The following PIEZO2 variants were observed in gnomAD, a reference collection of about 807,000 sequenced individuals.
The protein encoded by PIEZO2 is piezo type mechanosensitive ion channel component 2.
In PIEZO2, 172 loss-of-function variants were observed where a neutral mutation model predicts 337.3. The ratio of observed to expected loss-of-function variants is 0.51; its 90% CI spans 0.45 to 0.58. The LOEUF is 0.58. PIEZO2 is among the 20% of genes least tolerant of loss of function. PIEZO2 has a pLI of 0.00. For synonymous variants in PIEZO2, 1,251 were observed against 1,228.5 expected (o/e 1.02, Z -0.38); for missense variants, 3,028 against 3,391.3 (o/e 0.89, Z 2.66).
chr18:10,971,462 A>G (rs2034234422), intron 3 of PIEZO2, among the ~76,000 whole-genome samples: 1 of 152,180 alleles, frequency 6.6e-6, no homozygotes, highest in Non-Finnish European at 1.5e-5. Flanking sequence ...AGTTGACACA[A>G]GGCTGTGACA....
intron 4 of PIEZO2, among the ~76,000 whole-genome samples, chr18:10,898,831 G>A (rs954577891): frequency 1.3e-5 from 2 of 152,086 alleles, no homozygotes; most frequent in Admixed American, 6.6e-5. Context: ...GCAAATCAGC[G>A]TGGTATAGGA....
rs764644225 is a variant in PIEZO2, at chr18:10,943,318, C to T, written c.287-32090G>A. ...GACACTCAACTCCAACCAGTGAAAGCAGCCAAGAGGGAGGCTGTACCCTGC... is the reference window on the plus strand; with the variant it reads ...GACACTCAACTCCAACCAGTGAAAGTAGCCAAGAGGGAGGCTGTACCCTGC... On this transcript the variant is annotated intron_variant, in intron 3 of 55. Transcript: ENST00000674853. This position sits in a 1 kb window ranked among gnomAD's most constrained non-coding sequence, Gnocchi z 4.5. 6.6e-6 allele frequency among the ~76,000 whole-genome samples: 1 copy of T among 152,218 alleles called. No homozygotes were observed. The highest frequency in any genetic ancestry group is 2.4e-5 in the African/African-American group (1 of 41,460).
intron 4 of PIEZO2, among the ~76,000 whole-genome samples, chr18:10,897,798 A>G (rs2082993632): frequency 6.6e-6 from 1 of 152,244 alleles, no homozygotes; most frequent in Non-Finnish European, 1.5e-5. Context: ...TATTTAATAT[A>G]TCCCTTCTGA....
At chr18:10,745,945 T>A (rs529184020) in intron 30 of PIEZO2, among the ~76,000 whole-genome samples, 4 of 152,322 alleles carry the variant, frequency 2.6e-5, no homozygotes, top group African/African-American at 7.2e-5. Context: ...CACCACCGTT[T>A]GGCTAAGCCA....
At chr18:10,725,319 G>A in intron 36 of PIEZO2, 2 of 1,594,234 alleles carry the variant, frequency 1.3e-6, no homozygotes, top group East Asian at 2.2e-5. Context: ...GGAGGGCTGC[G>A]TCGAAGAGGT....
chr18:10,743,156 T>C (rs558589331), intron 31 of PIEZO2, among the ~76,000 whole-genome samples: 3 of 152,314 alleles, frequency 2.0e-5, no homozygotes, highest in African/African-American at 7.2e-5. Context: ...TTGTACCATA[T>C]TGCATTTACA....
intron 36 of PIEZO2, among the ~76,000 whole-genome samples, chr18:10,730,168 G>A (rs959219958): frequency 4.6e-5 from 7 of 152,296 alleles, no homozygotes; most frequent in African/African-American, 1.7e-4. Context: ...CTTTTAGCAG[G>A]TAATGACACA....
rs1000178614 is a variant in PIEZO2 at position 10,819,160 on chromosome 18, A to G, written c.918-11886T>C. ...TTACAGTAAAGCATTGATGAAATTA[A>G]CAATAAAAAGGTATAATGATTTCTA... On this transcript the variant is annotated intron_variant, in intron 7 of 55. Transcript: ENST00000674853. This position sits in a 1 kb window ranked among gnomAD's most constrained non-coding sequence, Gnocchi z 4.3. 6.6e-6 allele frequency among the ~76,000 whole-genome samples: 1 copy of G among 152,230 alleles called. No individual in the cohort carries two copies. Among genetic ancestry groups the G allele is most frequent in the African/African-American group, 2.4e-5 (1 of 41,472 alleles).
At chr18:10,931,717 AGAG>A (rs1357226583) in intron 3 of PIEZO2, among the ~76,000 whole-genome samples, 1 of 147,216 alleles carries the variant, frequency 6.8e-6, no homozygotes, top group South Asian at 2.2e-4. Context: ...TGTGTGTGAG[AGAG>A]AGAGAGAGAG....
rs1279239057 is a variant in PIEZO2 at position 10,781,961 on chromosome 18, T to C, written c.2493-1595A>G. ...CTCTCAAAATATTCCTTTTTCTTCATCATTTTGATTTTAATGTAGCCATTG... is the reference window on the plus strand; with the variant it reads ...CTCTCAAAATATTCCTTTTTCTTCACCATTTTGATTTTAATGTAGCCATTG... On this transcript the variant is annotated intron_variant, in intron 17 of 55. Coordinates refer to ENST00000674853, the MANE Select transcript of PIEZO2 (RefSeq NM_001378183.1). This position sits in a 1 kb window ranked among gnomAD's most constrained non-coding sequence, Gnocchi z 4.1. 6.6e-6 allele frequency among the ~76,000 whole-genome samples: 1 copy of C among 151,794 alleles called. No homozygotes were observed. Among genetic ancestry groups the C allele is most frequent in the Admixed American group, 6.6e-5 (1 of 15,200 alleles).
rs977425792 is a variant in PIEZO2, at chr18:11,109,916, G to A, written c.64+38609C>T. On this transcript the variant is annotated intron_variant, in intron 1 of 55. Coordinates refer to ENST00000674853, the MANE Select transcript of PIEZO2 (RefSeq NM_001378183.1). The surrounding 1 kb of genome is among the most constrained non-coding windows in gnomAD (Gnocchi z 5.1). ...TATAGTCATCTAAAGTGGAACGGAAGAATTTATTTTTTAATCAGAAGTCAG... is the reference window on the plus strand; with the variant it reads ...TATAGTCATCTAAAGTGGAACGGAAAAATTTATTTTTTAATCAGAAGTCAG... Among the ~76,000 whole-genome samples, 1 of 152,142 alleles carries A rather than the reference G, an allele frequency of 6.6e-6. No homozygotes were observed. The highest frequency in any genetic ancestry group is 2.4e-5 in the African/African-American group (1 of 41,430).
rs1231161614 is a variant in PIEZO2, at chr18:10,861,293, T to G, written c.493-4082A>C. Among the ~76,000 whole-genome samples, 5 of 152,312 alleles carry G rather than the reference T, an allele frequency of 3.3e-5. No homozygotes were observed. The South Asian group carries it at 6.2e-4, about 19-fold the overall frequency. On this transcript the variant is annotated intron_variant, in intron 5 of 55. Transcript: ENST00000674853. This position sits in a 1 kb window ranked among gnomAD's most constrained non-coding sequence, Gnocchi z 4.3. ...CTGGTTCCTGAGTCATCTTAGAAAC[T>G]GAAGACAAAATAAACTCTTTACAGT... is the stretch of plus-strand genomic sequence containing the variant.
At chr18:10,825,550 C>CT (rs57159292) in intron 7 of PIEZO2, among the ~76,000 whole-genome samples, 43,844 of 113,796 alleles carry the variant, frequency 0.39, 9,408 homozygotes, top group East Asian at 0.68. Flanking sequence ...TCCTTTCTTC[C>CT]TTTTTTTTTT....
At chr18:11,017,454 T>G (rs1467336441) in intron 2 of PIEZO2, among the ~76,000 whole-genome samples, 1 of 149,234 alleles carries the variant, frequency 6.7e-6, no homozygotes, top group Non-Finnish European at 1.5e-5. Flanking sequence ...AAAGCATGAA[T>G]GCCTTTTTTT....
At chr18:10,734,733 G>C (rs1217674399) in intron 35 of PIEZO2, among the ~76,000 whole-genome samples, 1 of 152,180 alleles carries the variant, frequency 6.6e-6, no homozygotes, top group Non-Finnish European at 1.5e-5. Context: ...GACTGCACTG[G>C]GTGGATCAGC....
rs527721841 is a variant in PIEZO2 at position 10,673,017 on chromosome 18, G to T, written c.8162-144C>A. 1.4e-4 allele frequency: 95 copies of T among 664,826 alleles called. 3 individuals carry two copies. In the South Asian group the frequency reaches 1.9e-3, roughly 13 times the overall value. 41.2% of individuals were successfully genotyped at this position (664,826 alleles called of 1,614,324 possible). On this transcript the variant is annotated intron_variant, in intron 54 of 55. Transcript: ENST00000674853. The surrounding 1 kb of genome is among the most constrained non-coding windows in gnomAD (Gnocchi z 4.8). Reference sequence around the variant, plus strand: ...AAGGATGCATGGACATACTAGAAGCGTGAATGGGCAAGGAAGAGAGGGCCC... The same window carrying T: ...AAGGATGCATGGACATACTAGAAGCTTGAATGGGCAAGGAAGAGAGGGCCC...
chr18:11,066,008 AT>A lies in PIEZO2; in HGVS notation c.160+118del, dbSNP rs201380205. 1,020 of 756,616 alleles carry A rather than the reference AT, an allele frequency of 1.3e-3. 3 individuals are homozygous for A. In the African/African-American group the frequency reaches 0.016, roughly 12 times the overall value. 46.9% of individuals were successfully genotyped at this position (756,616 alleles called of 1,614,324 possible). On this transcript the variant is annotated intron_variant, in intron 2 of 55. Coordinates refer to ENST00000674853, the MANE Select transcript of PIEZO2 (RefSeq NM_001378183.1). The stretch of plus-strand genomic sequence containing the variant: ...AAATGTTTGACACCCACTCCATGCC[AT>A]ATTAGCCCTGCTGCATAGATAACAT...
chr18:10,733,684 G>A (rs1033049219), intron 35 of PIEZO2, among the ~76,000 whole-genome samples: 6 of 152,094 alleles, frequency 3.9e-5, no homozygotes, highest in South Asian at 2.1e-4. Context: ...TCCTGACCTC[G>A]TGATCTGCCC....
chr18:10,887,336 T>C (rs150143046), intron 4 of PIEZO2, among the ~76,000 whole-genome samples: 63 of 151,896 alleles, frequency 4.1e-4, no homozygotes, highest in African/African-American at 1.4e-3. Context: ...CCCAAAGTTC[T>C]GGGATTACAG....
Sources: allele counts gnomAD v4.1 joint callset (sites outside exome capture counted in the v4.1 genomes callset), GRCh38; gene constraint gnomAD v4.1.1; non-coding constraint Gnocchi (gnomAD v3.1); transcripts MANE v1.5; gene names NCBI Gene and HGNC (gene_info 2026-07-23, HGNC 2026-07-21).